ENTPD1: variants seen among roughly 807,000 people sequenced by gnomAD.
ENTPD1 encodes the protein ATP diphosphohydrolase.
Under a neutral mutation model 57.0 loss-of-function variants are expected in ENTPD1, and 33 were observed. The observed-to-expected ratio is 0.58, with a 90% CI of 0.44 to 0.77. The LOEUF is 0.77. Ranked by LOEUF, ENTPD1 falls within the 30% of genes least tolerant of loss-of-function variation. ENTPD1 has a pLI of 0.00. For missense variants in ENTPD1, 501 were observed against 603.4 expected (o/e 0.83, Z 1.78); for synonymous variants, 202 against 218.8 (o/e 0.92, Z 0.68).
chr10:95,854,595 C>A (rs1291274994), intron 7 of ENTPD1, among the ~76,000 whole-genome samples: 1 of 152,130 alleles, frequency 6.6e-6, no homozygotes, highest in Non-Finnish European at 1.5e-5. Flanking sequence ...CCTCTACATA[C>A]TGCTTTGAAT....
At chr10:95,833,815 G>T in intron 2 of ENTPD1, 1 of 153,052 alleles carries the variant, frequency 6.5e-6, no homozygotes, top group South Asian at 1.8e-4. Context: ...GCATCCTCTG[G>T]AGGGAGGAAT....
At chr10:95,699,830 G>A in the ENTPD1 span, among the ~76,000 whole-genome samples, 1 of 152,152 alleles carries the variant, frequency 6.6e-6, no homozygotes, top group South Asian at 2.1e-4. Context: ...GAAGAAATTG[G>A]AAGGATATTG....
Position 95,871,099 on chromosome 10 carries a change from G to GT in ENTPD1, c.*4717dup. 1 of 985,408 alleles carries GT rather than the reference G, an allele frequency of 1.0e-6. No individual in the cohort carries two copies. The highest frequency in any genetic ancestry group is 1.2e-6 in the Non-Finnish European group (1 of 829,936). 61.0% of individuals were successfully genotyped at this position (985,408 alleles called of 1,614,324 possible). Reference sequence around the variant, plus strand: ...CCTGTCACTTCTGTCACAGGCTATTGTAAGTCATATGAGCAAGCTCAATAA... The same window carrying GT: ...CCTGTCACTTCTGTCACAGGCTATTGTTAAGTCATATGAGCAAGCTCAATAA... On this transcript the variant is annotated 3_prime_UTR_variant, in exon 10 of 10. Transcript: ENST00000371205.
intron 8 of ENTPD1, among the ~76,000 whole-genome samples, chr10:95,862,559 A>G (rs1424486269): frequency 6.6e-6 from 1 of 152,208 alleles, no homozygotes; most frequent in African/African-American, 2.4e-5. Flanking sequence ...ATAAAATGCA[A>G]ACCACACCTG....
intron 1 of ENTPD1, among the ~76,000 whole-genome samples, chr10:95,801,445 T>C (rs1235715741): frequency 6.6e-6 from 1 of 152,212 alleles, no homozygotes; most frequent in Non-Finnish European, 1.5e-5. Context: ...GCACCATTTA[T>C]TGAATAGGGA....
chr10:95,761,900 G>A (rs894844949), intron 1 of ENTPD1, among the ~76,000 whole-genome samples: 2 of 152,198 alleles, frequency 1.3e-5, no homozygotes, highest in African/African-American at 4.8e-5. Flanking sequence ...GCAACAGTGT[G>A]CCTGAGGCAT....
chr10:95,845,235 T>G, intron 5 of ENTPD1, 122 bp from the exon 6 acceptor site: 3 of 1,360,498 alleles, frequency 2.2e-6, no homozygotes, highest in Non-Finnish European at 3.1e-6. Flanking sequence ...GAGCCTCTAG[T>G]GAGCTTTGCC....
At chr10:95,787,915 C>G (rs2098187068) in intron 1 of ENTPD1, among the ~76,000 whole-genome samples, 1 of 151,796 alleles carries the variant, frequency 6.6e-6, no homozygotes. Flanking sequence ...TCCATCAACC[C>G]CCACCCCCAA....
chr10:95,704,222 C>A, the ENTPD1 span, among the ~76,000 whole-genome samples: 1 of 152,166 alleles, frequency 6.6e-6, no homozygotes, highest in East Asian at 1.9e-4. Flanking sequence ...GAAGTCTTCC[C>A]AAATTCATGT....
intron 1 of ENTPD1, among the ~76,000 whole-genome samples, chr10:95,784,102 C>CTTTTTTTTTTTTTT (rs200561277): frequency 1.5e-5 from 2 of 134,604 alleles, no homozygotes; most frequent in Admixed American, 7.5e-5. Context: ...TTTGCTTGTT[C>CTTTTTTTTTTTTTT]TTTTTTTTTT....
chr10:95,795,608 C>T lies in ENTPD1; in HGVS notation c.17-27629C>T, dbSNP rs116400130. Among the ~76,000 whole-genome samples, 990 of 152,190 alleles carry T rather than the reference C, an allele frequency of 6.5e-3. 11 individuals are homozygous for T. The highest frequency in any genetic ancestry group is 0.022 in the African/African-American group (930 of 41,506). The stretch of plus-strand genomic sequence containing the variant: ...TCATTTTTTCATACAGAGCTCACTG[C>T]GTCTTCATGTCAACTTACCTAAATA... On this transcript the variant is annotated intron_variant, in intron 1 of 9. Transcript: ENST00000371205.
chr10:95,722,947 G>A (rs940376679), intron 1 of ENTPD1, among the ~76,000 whole-genome samples: 3 of 152,202 alleles, frequency 2.0e-5, no homozygotes, highest in Admixed American at 6.5e-5. Context: ...AACTGATGAG[G>A]TGTGCTCACA....
At chr10:95,711,421 A>G (rs1479577523), upstream of ENTPD1, among the ~76,000 whole-genome samples, 1 of 152,208 alleles carries the variant, frequency 6.6e-6, no homozygotes, top group South Asian at 2.1e-4. Flanking sequence ...TTATCCTGTT[A>G]TATTTCTACA....
chr10:95,800,041 G>A (rs1347091334), intron 1 of ENTPD1, among the ~76,000 whole-genome samples: 3 of 152,146 alleles, frequency 2.0e-5, no homozygotes, highest in Admixed American at 2.0e-4. Context: ...TTTGTTGGAT[G>A]CATAAGTTGC....
rs1301390089 is a variant in ENTPD1, at chr10:95,777,630, AGTCT to A, written c.16+21382_16+21385del. On this transcript the variant is annotated intron_variant, in intron 1 of 9. Transcript: ENST00000371205. ...GGGTCAGAGACCCACTTGAGTAGGC[AGTCT>A]GTCTGTTCTCTGAGCTCAAACACCA... Among the ~76,000 whole-genome samples the A allele has an allele frequency of 2.6e-5, 4 of 152,352 alleles. No homozygotes were observed. In the East Asian group the frequency reaches 7.7e-4, roughly 29 times the overall value.
Position 95,864,795 on chromosome 10 carries a change from C to G in ENTPD1, c.1260C>G (p.Leu420=). The G allele has an allele frequency of 1.2e-6, 2 of 1,614,104 alleles. No homozygotes were observed. The highest frequency in any genetic ancestry group is 1.7e-6 in the Non-Finnish European group (2 of 1,180,010). ...SEYCFSGTYI[L]SLLLQGYHFT... is the part of the protein sequence containing the mutation. ...ACTGCTTTTCTGGTACCTACATTCT[C>G]TCCCTCCTTCTGCAAGGCTATCATT... The change falls in exon 9 of 10, where the codon CTC becomes CTG. Residue 420 remains leucine, a synonymous_variant. Transcript: ENST00000371205.
chr10:95,820,201 A>G (rs967586780), intron 1 of ENTPD1, among the ~76,000 whole-genome samples: 2 of 152,368 alleles, frequency 1.3e-5, no homozygotes, highest in Non-Finnish European at 1.5e-5. Flanking sequence ...CATGGAAGAT[A>G]GCATTTTAAT....
chr10:95,711,837 C>G, exon 1 of ENTPD1: 1 of 1,455,802 alleles, frequency 6.9e-7, no homozygotes, highest in Non-Finnish European at 9.6e-7. Flanking sequence ...ATTAACCTGC[C>G]TTTTTTGTCA....
intron 1 of ENTPD1, among the ~76,000 whole-genome samples, chr10:95,734,124 A>T (rs1366853981): frequency 6.6e-6 from 1 of 152,174 alleles, no homozygotes; most frequent in Non-Finnish European, 1.5e-5. Flanking sequence ...TTTCCTACTT[A>T]GCATGGGGAA....
Sources: allele counts gnomAD v4.1 joint callset (sites outside exome capture counted in the v4.1 genomes callset), GRCh38; gene constraint gnomAD v4.1.1; transcripts MANE v1.5; gene names NCBI Gene and HGNC (gene_info 2026-07-23, HGNC 2026-07-21).